The following ZNF722 variants were observed in gnomAD, a reference collection of about 807,000 sequenced individuals.
The protein encoded by ZNF722 is zinc finger protein 722.
chr7:64,015,469 A>G, the ZNF722 span: 1 of 1,611,796 alleles, frequency 6.2e-7, no homozygotes, highest in East Asian at 2.2e-5. Flanking sequence ...AAAAGAATTC[A>G]TACTGGAGAG....
chr7:64,004,421 A>ATATATATATAT, the ZNF722 span, among the ~76,000 whole-genome samples: 1 of 69,444 alleles, frequency 1.4e-5, no homozygotes, highest in African/African-American at 6.6e-5. Context: ...AAAAAAAAAA[A>ATATATATATAT]AAAAATATAT....
At chr7:64,006,086 A>G in the ZNF722 span, 1 of 534,320 alleles carries the variant, frequency 1.9e-6, no homozygotes, top group Non-Finnish European at 3.0e-6. Flanking sequence ...TATTTTCTAA[A>G]TATGTAGAAA....
chr7:64,006,204 T>C, the ZNF722 span: 33 of 1,176,368 alleles, frequency 2.8e-5, no homozygotes, highest in Non-Finnish European at 3.6e-5. Flanking sequence ...TTATCTTACT[T>C]TTTTTTCTTA....
the ZNF722 span, among the ~76,000 whole-genome samples, chr7:64,004,426 A>AAAAAAAAAAAAAATATATATATG: frequency 4.2e-5 from 2 of 47,652 alleles, no homozygotes; most frequent in East Asian, 9.3e-4. Context: ...AAAAAAAAAA[A>AAAAAAAAAAAAAATATATATATG]TATATATATA....
At chr7:64,004,522 T>C in the ZNF722 span, among the ~76,000 whole-genome samples, 1 of 149,608 alleles carries the variant, frequency 6.7e-6, no homozygotes, top group Non-Finnish European at 1.5e-5. Context: ...TGATGTTGTG[T>C]CCTGTGTGCA....
the ZNF722 span, among the ~76,000 whole-genome samples, chr7:64,003,255 T>C: frequency 2.6e-5 from 4 of 151,384 alleles, no homozygotes; most frequent in South Asian, 2.1e-4. Context: ...AAGAAACTTA[T>C]ATTTTAATAG....
At chr7:64,004,425 A>AAAAAAAAAAAAAAAAAATATAT in the ZNF722 span, among the ~76,000 whole-genome samples, 1 of 61,120 alleles carries the variant, frequency 1.6e-5, no homozygotes, top group African/African-American at 8.0e-5. Flanking sequence ...AAAAAAAAAA[A>AAAAAAAAAAAAAAAAAATATAT]ATATATATAT....
At chr7:64,007,401 T>TC in the ZNF722 span, among the ~76,000 whole-genome samples, 24 of 152,054 alleles carry the variant, frequency 1.6e-4, no homozygotes, top group Admixed American at 1.2e-3. Flanking sequence ...ATCCCCCAAC[T>TC]CCACGACAGG....
the ZNF722 span, among the ~76,000 whole-genome samples, chr7:64,014,528 T>C: frequency 2.0e-5 from 3 of 152,184 alleles, no homozygotes; most frequent in African/African-American, 7.2e-5. Flanking sequence ...CTGGGAGTCT[T>C]GCAAACATGT....
At chr7:64,017,031 A>G in the ZNF722 span, among the ~76,000 whole-genome samples, 3 of 152,342 alleles carry the variant, frequency 2.0e-5, no homozygotes, top group East Asian at 3.9e-4. Flanking sequence ...AATACAAAGA[A>G]TGTGAAAAGC....
the ZNF722 span, among the ~76,000 whole-genome samples, chr7:64,004,435 T>A: frequency 0.019 from 2,259 of 116,664 alleles, 149 homozygotes; most frequent in East Asian, 0.15. Context: ...AATATATATA[T>A]ATATATATAT....
chr7:64,011,249 A>T, the ZNF722 span, among the ~76,000 whole-genome samples: 2 of 152,140 alleles, frequency 1.3e-5, no homozygotes, highest in Non-Finnish European at 2.9e-5. Flanking sequence ...GCTTATTTAC[A>T]TTTAAGGTTA....
chr7:64,017,484 A>G, the ZNF722 span, among the ~76,000 whole-genome samples: 7 of 152,218 alleles, frequency 4.6e-5, no homozygotes, highest in African/African-American at 1.4e-4. Flanking sequence ...AGACAAACAT[A>G]CAAACATAAA....
chr7:64,001,911 T>G, the ZNF722 span, among the ~76,000 whole-genome samples: 1 of 152,056 alleles, frequency 6.6e-6, no homozygotes. Context: ...TAAGATGGAG[T>G]CTCACTCTAT....
At chr7:64,014,932 G>A in the ZNF722 span, 13 of 934,530 alleles carry the variant, frequency 1.4e-5, no homozygotes, top group South Asian at 1.6e-4. Flanking sequence ...ATGCCATTTT[G>A]CTAGTGTGCC....
chr7:64,012,589 A>G, the ZNF722 span, among the ~76,000 whole-genome samples: 1 of 152,128 alleles, frequency 6.6e-6, no homozygotes, highest in African/African-American at 2.4e-5. Context: ...CTGAGATTAC[A>G]CCTGTGAGCC....
chr7:64,000,436 C>CTTTTTTTTTTT, the ZNF722 span, among the ~76,000 whole-genome samples: 355 of 23,704 alleles, frequency 0.015, 132 homozygotes, highest in African/African-American at 0.023. Context: ...CATGCCCGGC[C>CTTTTTTTTTTT]TTTTTTTTTT....
the ZNF722 span, among the ~76,000 whole-genome samples, chr7:64,012,546 C>G: frequency 6.6e-6 from 1 of 152,140 alleles, no homozygotes; most frequent in East Asian, 1.9e-4. Context: ...AGCTGCAGGA[C>G]AAGTGATCCT....
At chr7:64,015,791 A>G in the ZNF722 span, 3 of 1,611,098 alleles carry the variant, frequency 1.9e-6, no homozygotes, top group Admixed American at 1.7e-5. Flanking sequence ...CCCTTAAGAC[A>G]CATAAGAGAA....
Sources: allele counts gnomAD v4.1 joint callset (sites outside exome capture counted in the v4.1 genomes callset), GRCh38; gene constraint gnomAD v4.1.1; transcripts MANE v1.5; gene names NCBI Gene and HGNC (gene_info 2026-07-23, HGNC 2026-07-21).